The following UCK2 variants were observed in gnomAD, a reference collection of about 807,000 sequenced individuals.
The protein encoded by UCK2 is cytidine monophosphokinase 2.
A neutral mutation model predicts 30.8 loss-of-function variants in UCK2; 6 were observed. The ratio of observed to expected loss-of-function variants is 0.19; its 90% CI spans 0.11 to 0.38. UCK2 has a LOEUF of 0.38. Among genes scored for constraint, UCK2 ranks in the 10% least tolerant of loss-of-function variants. The pLI, the probability that UCK2 is intolerant of heterozygous loss-of-function variation, is 1.00. For missense variants in UCK2, 210 were observed against 339.8 expected, an observed-to-expected ratio of 0.62 and a Z score of 3.00; for synonymous variants, 125 against 133.6, an observed-to-expected ratio of 0.94 and a Z score of 0.45.
intron 3 of UCK2, among the ~76,000 whole-genome samples, chr1:165,891,876 T>C (rs1382562138): frequency 6.6e-6 from 1 of 151,890 alleles, no homozygotes. Flanking sequence ...TGGCCACACT[T>C]CCACCTCATC....
chr1:165,878,335 C>CTTT (rs35804765), intron 1 of UCK2, among the ~76,000 whole-genome samples: 1 of 144,038 alleles, frequency 6.9e-6, no homozygotes, highest in South Asian at 2.2e-4. Context: ...TTCTTTCTTT[C>CTTT]TTTTTTTTTT....
intron 4 of UCK2, among the ~76,000 whole-genome samples, chr1:165,898,403 A>T (rs977634764): frequency 6.6e-6 from 1 of 152,210 alleles, no homozygotes; most frequent in East Asian, 1.9e-4. Context: ...ATAAATATCT[A>T]TGTGGCAGAT....
rs537705177 is a variant in UCK2 at position 165,836,994 on chromosome 1, G to A, written c.99+9062G>A. Among the ~76,000 whole-genome samples, 14 of 152,200 alleles carry A rather than the reference G, an allele frequency of 9.2e-5. No homozygotes were observed. In the South Asian group the frequency reaches 1.2e-3, roughly 14 times the overall value. ...GAGGGGGAGGGAAGTGCCTGTCCTC[G>A]TGCACAAAAGTTTCAAACAAGAGGT... On this transcript the variant is annotated intron_variant, in intron 1 of 6. Coordinates refer to ENST00000367879, the MANE Select transcript of UCK2 (RefSeq NM_012474.5).
chr1:165,840,769 G>A (rs1428813475), intron 1 of UCK2, among the ~76,000 whole-genome samples: 1 of 152,070 alleles, frequency 6.6e-6, no homozygotes, highest in Non-Finnish European at 1.5e-5. Context: ...GTTAAGTTGT[G>A]CCTTTTTCCT....
intron 2 of UCK2, 114 bp from the exon 3 acceptor site, chr1:165,891,112 T>C (rs1209885483): frequency 2.2e-6 from 2 of 916,324 alleles, no homozygotes; most frequent in Admixed American, 2.3e-5. Flanking sequence ...AGCAGTATGA[T>C]TACCTTTAAA....
rs1399632931 is a variant in UCK2 at position 165,910,142 on chromosome 1, T to G, written c.*2319T>G. 2 of 152,328 alleles carry G rather than the reference T, an allele frequency of 1.3e-5. No homozygotes were observed. Among genetic ancestry groups the G allele is most frequent in the African/African-American group, 4.8e-5 (2 of 41,464 alleles). 9.4% of individuals were successfully genotyped at this position (152,328 alleles called of 1,614,324 possible). On this transcript the variant is annotated 3_prime_UTR_variant, in exon 7 of 7. Transcript: ENST00000367879. Reference sequence around the variant, plus strand: ...TTGGCTGGGGACAATGAACAGTGTCTGCTGGGGTCTGTGACACACTGTTTC... The same window carrying G: ...TTGGCTGGGGACAATGAACAGTGTCGGCTGGGGTCTGTGACACACTGTTTC...
intron 1 of UCK2, among the ~76,000 whole-genome samples, chr1:165,889,688 C>CTTTTTT (rs57710760): frequency 2.3e-5 from 3 of 129,658 alleles, no homozygotes; most frequent in African/African-American, 2.9e-5. Context: ...CTCCGTTAGC[C>CTTTTTT]TTTTTTTTTT....
At chr1:165,861,584 C>T (rs1217567662) in intron 1 of UCK2, among the ~76,000 whole-genome samples, 3 of 122,008 alleles carry the variant, frequency 2.5e-5, no homozygotes, top group Non-Finnish European at 3.3e-5. Context: ...GCCGAGATCC[C>T]GCCACCGCAC....
intron 1 of UCK2, among the ~76,000 whole-genome samples, chr1:165,861,627 C>CAG (rs1654902785): frequency 6.3e-5 from 1 of 15,940 alleles, no homozygotes. Context: ...GACTCCGTCT[C>CAG]AAAAAAAAAA....
At chr1:165,871,518 G>A (rs562740551) in intron 1 of UCK2, among the ~76,000 whole-genome samples, 11 of 152,136 alleles carry the variant, frequency 7.2e-5, no homozygotes, top group Non-Finnish European at 1.3e-4. Flanking sequence ...CACTCTGTTA[G>A]ATCTCATTTC....
At chr1:165,842,493 A>G (rs1268945227) in intron 1 of UCK2, among the ~76,000 whole-genome samples, 2 of 152,190 alleles carry the variant, frequency 1.3e-5, no homozygotes, top group African/African-American at 2.4e-5. Flanking sequence ...TGTACAAGAC[A>G]GAAACCTTAC....
chr1:165,884,054 TC>T, intron 1 of UCK2, among the ~76,000 whole-genome samples: 1 of 146,192 alleles, frequency 6.8e-6, no homozygotes, highest in East Asian at 1.9e-4. Flanking sequence ...AATGGTTTTT[TC>T]CTTTGAGATG....
At chr1:165,873,600 G>A (rs1001536933) in intron 1 of UCK2, among the ~76,000 whole-genome samples, 1 of 151,824 alleles carries the variant, frequency 6.6e-6, no homozygotes, top group Non-Finnish European at 1.5e-5. Context: ...CCTTTCTCCC[G>A]TTGGGCTGTC....
intron 1 of UCK2, among the ~76,000 whole-genome samples, chr1:165,840,262 T>A (rs1654295839): frequency 6.6e-6 from 1 of 152,248 alleles, no homozygotes; most frequent in African/African-American, 2.4e-5. Context: ...TTCATTGATT[T>A]TAATTGACAA....
chr1:165,846,025 C>T (rs1177199264), intron 1 of UCK2, among the ~76,000 whole-genome samples: 1 of 152,142 alleles, frequency 6.6e-6, no homozygotes, highest in Non-Finnish European at 1.5e-5. Context: ...GGTGCAGTGG[C>T]TCATGCTTGT....
chr1:165,830,315 TTTATTTTTTTTA>T (rs1427652578), intron 1 of UCK2, among the ~76,000 whole-genome samples: 2 of 121,288 alleles, frequency 1.6e-5, no homozygotes, highest in Non-Finnish European at 3.2e-5. Context: ...CTTTTTAATC[TTTATTTTTTTTA>T]TTATTTTTTT....
At chr1:165,845,002 T>C (rs1654414882) in intron 1 of UCK2, among the ~76,000 whole-genome samples, 1 of 152,198 alleles carries the variant, frequency 6.6e-6, no homozygotes, top group African/African-American at 2.4e-5. Flanking sequence ...TGAGCCAAGC[T>C]AGCAAATTAA....
chr1:165,902,429 T>C (rs1437905414), intron 4 of UCK2, among the ~76,000 whole-genome samples: 1 of 149,612 alleles, frequency 6.7e-6, no homozygotes, highest in Non-Finnish European at 1.5e-5. Flanking sequence ...AAAAAAAAAT[T>C]TTTTAAAGAA....
At position 165,907,737 on chromosome 1, in the gene UCK2, T is replaced by G; in HGVS notation, c.700T>G (p.Ser234Ala). 1 of 1,614,038 alleles carries G rather than the reference T, an allele frequency of 6.2e-7. No individual in the cohort carries two copies. Among genetic ancestry groups the G allele is most frequent in the African/African-American group, 1.3e-5 (1 of 74,980 alleles). The stretch of plus-strand genomic sequence containing the variant: ...CCAGGACATCCTGAATGGAGGGCCC[T>G]CCAAACGGCAGACCAATGGCTGTCT... ...HIQDILNGGPSKRQTNGCLNG... is the reference protein window; with the variant it reads ...HIQDILNGGPAKRQTNGCLNG... Residue 234 changes from serine to alanine, a missense_variant, in exon 7 of 7, where the codon TCC becomes GCC. Transcript: ENST00000367879.
Sources: allele counts gnomAD v4.1 joint callset (sites outside exome capture counted in the v4.1 genomes callset), GRCh38; gene constraint gnomAD v4.1.1; transcripts MANE v1.5; gene names NCBI Gene and HGNC (gene_info 2026-07-23, HGNC 2026-07-21).